MIPOL1: variants seen among roughly 807,000 people sequenced by gnomAD.
The protein encoded by MIPOL1 is mirror-image polydactyly 1.
A neutral mutation model predicts 60.9 loss-of-function variants in MIPOL1; 57 were observed. That is an observed-to-expected ratio of 0.94 (90% CI 0.76 to 1.17). MIPOL1 has a LOEUF of 1.17. Among genes scored for constraint, MIPOL1 ranks in the 50% most tolerant of loss-of-function variants. The pLI, the probability that MIPOL1 is intolerant of heterozygous loss-of-function variation, is 0.00. For missense variants in MIPOL1, 551 were observed against 511.6 expected, an observed-to-expected ratio of 1.08 and a Z score of -0.74; for synonymous variants, 179 against 168.8, an observed-to-expected ratio of 1.06 and a Z score of -0.47.
At chr14:37,526,033 A>G (rs1271185461) in intron 12 of MIPOL1, among the ~76,000 whole-genome samples, 2 of 152,314 alleles carry the variant, frequency 1.3e-5, no homozygotes, top group East Asian at 3.9e-4. Context: ...TCTTTATCAT[A>G]GTATTTCTAA....
intron 7 of MIPOL1, among the ~76,000 whole-genome samples, chr14:37,295,830 C>T (rs1306641619): frequency 6.6e-6 from 1 of 152,152 alleles, no homozygotes; most frequent in Non-Finnish European, 1.5e-5. Context: ...TACAAAATGA[C>T]TTAGACCCCC....
At chr14:37,495,047 C>T (rs2095100404) in intron 11 of MIPOL1, among the ~76,000 whole-genome samples, 1 of 150,386 alleles carries the variant, frequency 6.6e-6, no homozygotes, top group African/African-American at 2.4e-5. Flanking sequence ...AATCAGGATG[C>T]TCATAATTTT....
At chr14:37,447,386 TCTC>T (rs1455343938) in intron 11 of MIPOL1, among the ~76,000 whole-genome samples, 3 of 152,148 alleles carry the variant, frequency 2.0e-5, no homozygotes, top group African/African-American at 7.2e-5. Flanking sequence ...ACACTCTAGT[TCTC>T]CTAGTTTCTG....
intron 9 of MIPOL1, among the ~76,000 whole-genome samples, chr14:37,312,692 G>A (rs1205620351): frequency 6.6e-6 from 1 of 151,940 alleles, no homozygotes; most frequent in Non-Finnish European, 1.5e-5. Context: ...ATCTCAAACT[G>A]AGAGCCAAAA....
intron 11 of MIPOL1, among the ~76,000 whole-genome samples, chr14:37,474,143 A>G (rs1014165360): frequency 2.6e-5 from 4 of 152,206 alleles, no homozygotes; most frequent in African/African-American, 7.2e-5. Context: ...CAGACACATT[A>G]TAGTTTGTTT....
chr14:37,353,704 G>A (rs533664703), intron 9 of MIPOL1, among the ~76,000 whole-genome samples: 17 of 152,094 alleles, frequency 1.1e-4, no homozygotes, highest in African/African-American at 4.1e-4. Flanking sequence ...AGAGGTGTTT[G>A]TAGTATTCTC....
chr14:37,255,181 T>A (rs1344294715), intron 3 of MIPOL1, among the ~76,000 whole-genome samples: 1 of 151,802 alleles, frequency 6.6e-6, no homozygotes, highest in Non-Finnish European at 1.5e-5. Flanking sequence ...TACTGAATCT[T>A]TAATTTTCTA....
chr14:37,248,969 A>AATAGAAGG (rs1373757647), intron 3 of MIPOL1, among the ~76,000 whole-genome samples: 2 of 145,618 alleles, frequency 1.4e-5, no homozygotes, highest in African/African-American at 2.7e-5. Context: ...CTGAAAAACA[A>AATAGAAGG]ATGGAAGGAT....
At chr14:37,314,532 G>C (rs2087673983) in intron 9 of MIPOL1, among the ~76,000 whole-genome samples, 1 of 152,070 alleles carries the variant, frequency 6.6e-6, no homozygotes, top group Admixed American at 6.6e-5. Flanking sequence ...CCTCTTACTA[G>C]AACATACTTC....
At chr14:37,238,054 A>C (rs1056754233) in intron 1 of MIPOL1, among the ~76,000 whole-genome samples, 7 of 151,862 alleles carry the variant, frequency 4.6e-5, no homozygotes, top group South Asian at 2.1e-4. Context: ...GTAACCTTGA[A>C]CTCTTGGACT....
At position 37,208,218 on chromosome 14, in the gene MIPOL1, G is replaced by T. The variant is rs558916742; in HGVS notation, c.-199+10114G>T. Among the ~76,000 whole-genome samples the T allele has an allele frequency of 1.6e-3, 242 of 152,250 alleles. 1 individual carries two copies. The highest frequency in any genetic ancestry group is 2.6e-3 in the Non-Finnish European group (178 of 68,022). On this transcript the variant is annotated intron_variant, in intron 1 of 12. Coordinates refer to ENST00000684589, the MANE Select transcript of MIPOL1 (RefSeq NM_001388067.1). Reference sequence around the variant, plus strand: ...TGATTATGTATAAATAGTACTTGGAGAATGACTTTCAATATGTGTGGTTTT... The same window carrying T: ...TGATTATGTATAAATAGTACTTGGATAATGACTTTCAATATGTGTGGTTTT...
chr14:37,245,410 A>G (rs1973042637), intron 1 of MIPOL1, among the ~76,000 whole-genome samples: 1 of 152,146 alleles, frequency 6.6e-6, no homozygotes, highest in African/African-American at 2.4e-5. Flanking sequence ...AGTACTTTCC[A>G]AAAGCAATTA....
chr14:37,288,675 GTGATAAATGT>G (rs2153414125), intron 7 of MIPOL1, among the ~76,000 whole-genome samples: 1 of 152,196 alleles, frequency 6.6e-6, no homozygotes, highest in South Asian at 2.1e-4. Context: ...GCCTGACATG[GTGATAAATGT>G]CTGTAGTCCC....
rs2086946437 is a variant in MIPOL1, at chr14:37,308,109, GA to G, written c.657+21del. ...GACATGGTAAGCCATTCTCTGAGGA[GA>G]TTTCTTGATGTCAGTCTTATATCTT... On this transcript the variant is annotated intron_variant, in intron 8 of 12. Transcript: ENST00000684589. 8.1e-6 allele frequency: 13 copies of G among 1,604,726 alleles called. No homozygotes were observed. The highest frequency in any genetic ancestry group is 1.0e-5 in the Non-Finnish European group (12 of 1,174,318).
At chr14:37,379,521 G>A (rs2092870055) in intron 10 of MIPOL1, among the ~76,000 whole-genome samples, 2 of 152,058 alleles carry the variant, frequency 1.3e-5, no homozygotes, top group African/African-American at 2.4e-5. Flanking sequence ...AAAAATGTGA[G>A]AAAACAACCC....
chr14:37,201,253 A>G (rs1965293708), intron 1 of MIPOL1, among the ~76,000 whole-genome samples: 1 of 152,060 alleles, frequency 6.6e-6, no homozygotes, highest in African/African-American at 2.4e-5. Flanking sequence ...TGGATTTCAG[A>G]TCTCTAAACA....
At chr14:37,482,875 ATC>A (rs2094892399) in intron 11 of MIPOL1, among the ~76,000 whole-genome samples, 1 of 152,162 alleles carries the variant, frequency 6.6e-6, no homozygotes, top group African/African-American at 2.4e-5. Context: ...GTCCCTCAGT[ATC>A]TGTTAGGGGA....
At chr14:37,199,992 A>G (rs1188082814) in intron 1 of MIPOL1, among the ~76,000 whole-genome samples, 1 of 152,178 alleles carries the variant, frequency 6.6e-6, no homozygotes, top group Non-Finnish European at 1.5e-5. Flanking sequence ...GCAACATTTC[A>G]CACTGTCTTT....
chr14:37,216,679 A>T (rs1053209232), intron 1 of MIPOL1, among the ~76,000 whole-genome samples: 4 of 152,258 alleles, frequency 2.6e-5, no homozygotes, highest in African/African-American at 9.6e-5. Flanking sequence ...ATACTCCTGA[A>T]TAACCAGCTG....
Sources: gnomAD v4.1 joint callset for allele counts (sites outside exome capture counted in the v4.1 genomes callset) on GRCh38, gnomAD v4.1.1 for gene constraint, MANE v1.5 for transcripts, NCBI Gene and HGNC (gene_info 2026-07-23, HGNC 2026-07-21) for gene names.